Variants in ATG13 observed in about 807,000 individuals in gnomAD.
The protein encoded by ATG13 is autophagy-related protein 13.
In ATG13, 23 loss-of-function variants were observed where a neutral mutation model predicts 65.5. The ratio of observed to expected loss-of-function variants is 0.35; its 90% CI spans 0.25 to 0.50. The LOEUF is 0.50. ATG13 is among the 20% of genes least tolerant of loss of function. The probability of loss-of-function intolerance (pLI) is 0.98; values close to 1 mark genes in which losing one functional copy is unlikely to be tolerated. For synonymous variants in ATG13, 252 were observed against 245.2 expected, an observed-to-expected ratio of 1.03 and a Z score of -0.26; for missense variants, 566 against 677.0, an observed-to-expected ratio of 0.84 and a Z score of 1.82.
In ATG13 at chr11:46,672,406, C is replaced by A. The variant is rs554420091; in HGVS notation, c.*74C>A. On this transcript the variant is annotated 3_prime_UTR_variant, in exon 19 of 19. Transcript: ENST00000683050. ...TAAGCAGCCTCCCATGCATCAGCTG[C>A]TCCCACCCCTCATCCTGCTCTGAGC... 1.4e-4 allele frequency: 218 copies of A among 1,610,120 alleles called. No individual in the cohort carries two copies. The highest frequency in any genetic ancestry group is 2.9e-4 in the South Asian group (26 of 90,724).
chr11:46,639,521 G>T (rs2055157560), intron 2 of ATG13, among the ~76,000 whole-genome samples: 1 of 152,120 alleles, frequency 6.6e-6, no homozygotes, highest in South Asian at 2.1e-4. Context: ...AGCTGTAACT[G>T]TAACAGGTCC....
At chr11:46,638,586 C>T (rs910099557) in intron 2 of ATG13, 8 of 152,170 alleles carry the variant, frequency 5.3e-5, no homozygotes, top group Non-Finnish European at 1.0e-4. Flanking sequence ...CACCATCAAC[C>T]TACACCCTAC....
At chr11:46,669,159 C>G (rs1209504556) in intron 17 of ATG13, among the ~76,000 whole-genome samples, 1 of 152,154 alleles carries the variant, frequency 6.6e-6, no homozygotes, top group East Asian at 1.9e-4. Flanking sequence ...CACTGATACC[C>G]ACTTAGGTCC....
At position 46,667,839 on chromosome 11, in the gene ATG13, C is replaced by A; in HGVS notation, c.1203C>A (p.Thr401=). 2 of 1,612,772 alleles carry A rather than the reference C, an allele frequency of 1.2e-6. No homozygotes were observed. The highest frequency in any genetic ancestry group is 1.7e-6 in the Non-Finnish European group (2 of 1,178,890). ...GRASPHDVLE[T]IFVRKVGAFV... ...CCTCCCCTCACGATGTCTTGGAGAC[C>A]ATCTTTGTCCGAAAAGTGGGGGCTT... Residue 401 remains threonine, a synonymous_variant, in exon 15 of 19, where the codon ACC becomes ACA. Transcript: ENST00000683050.
At chr11:46,637,280 C>G (rs564024119) in intron 2 of ATG13, among the ~76,000 whole-genome samples, 49 of 152,298 alleles carry the variant, frequency 3.2e-4, no homozygotes, top group African/African-American at 1.1e-3. Context: ...GAGTCTCACT[C>G]TGTTTCCCAG....
chr11:46,656,729 A>C (rs1234971667), intron 8 of ATG13, among the ~76,000 whole-genome samples: 1 of 152,136 alleles, frequency 6.6e-6, no homozygotes, highest in Non-Finnish European at 1.5e-5. Flanking sequence ...GTGCTCCTTC[A>C]TTGTCTTTTT....
At chr11:46,628,539 T>G (rs537570143) in intron 1 of ATG13, among the ~76,000 whole-genome samples, 1 of 152,186 alleles carries the variant, frequency 6.6e-6, no homozygotes, top group Non-Finnish European at 1.5e-5. Context: ...ATATATTTTA[T>G]GTAAGTAGAA....
At chr11:46,621,616 T>G (rs1044534908) in intron 1 of ATG13, among the ~76,000 whole-genome samples, 1 of 152,176 alleles carries the variant, frequency 6.6e-6, no homozygotes, top group African/African-American at 2.4e-5. Context: ...TGACTTGTGC[T>G]TTTAATATTT....
At chr11:46,663,587 C>T (rs1197978554) in intron 11 of ATG13, among the ~76,000 whole-genome samples, 2 of 152,174 alleles carry the variant, frequency 1.3e-5, no homozygotes, top group Non-Finnish European at 2.9e-5. Context: ...TTACAAGCCC[C>T]GCATCCTTAC....
At chr11:46,668,174 G>A (rs940097127) in intron 15 of ATG13, among the ~76,000 whole-genome samples, 1 of 152,116 alleles carries the variant, frequency 6.6e-6, no homozygotes, top group African/African-American at 2.4e-5. Flanking sequence ...TCATTGCCTC[G>A]GCCTTATTTG....
At chr11:46,627,929 C>CA (rs2050287895) in intron 1 of ATG13, among the ~76,000 whole-genome samples, 1 of 151,782 alleles carries the variant, frequency 6.6e-6, no homozygotes, top group South Asian at 2.1e-4. Flanking sequence ...CAAAAAAATA[C>CA]AAAAAATTAG....
intron 11 of ATG13, among the ~76,000 whole-genome samples, chr11:46,661,993 G>A (rs1248917818): frequency 1.3e-5 from 2 of 152,192 alleles, no homozygotes; most frequent in Non-Finnish European, 2.9e-5. Context: ...GAACAGTTTA[G>A]TTTGGGGGTT....
At chr11:46,631,346 A>C (rs2051668918) in intron 2 of ATG13, among the ~76,000 whole-genome samples, 1 of 152,152 alleles carries the variant, frequency 6.6e-6, no homozygotes, top group South Asian at 2.1e-4. Flanking sequence ...TGGACCACCA[A>C]GCTGGCCTAT....
At chr11:46,669,623 C>A in intron 18 of ATG13, 91 bp downstream of exon 18, 1 of 1,404,162 alleles carries the variant, frequency 7.1e-7, no homozygotes. Context: ...CTTCTATCTT[C>A]CCTGTAATAG....
chr11:46,638,944 A>G (rs1217891628), intron 2 of ATG13, among the ~76,000 whole-genome samples: 1 of 151,952 alleles, frequency 6.6e-6, no homozygotes, highest in East Asian at 1.9e-4. Context: ...AGTAGCTGGG[A>G]CTACAGGCAT....
At chr11:46,654,060 T>A (rs942551566) in intron 7 of ATG13, among the ~76,000 whole-genome samples, 3 of 151,570 alleles carry the variant, frequency 2.0e-5, no homozygotes, top group South Asian at 2.1e-4. Flanking sequence ...TTTTTATTTT[T>A]TTTTTTCAGA....
chr11:46,638,917 C>T (rs1233398967), intron 2 of ATG13, among the ~76,000 whole-genome samples: 1 of 152,112 alleles, frequency 6.6e-6, no homozygotes, highest in Non-Finnish European at 1.5e-5. Context: ...AAGCCATTCT[C>T]CCACCTCAGC....
At chr11:46,659,548 T>C (rs1186076383) in intron 11 of ATG13, 63 bp downstream of exon 11, 1 of 1,372,412 alleles carries the variant, frequency 7.3e-7, no homozygotes, top group Non-Finnish European at 1.0e-6. Context: ...CTTTATGAAA[T>C]GGTGTCCAAA....
chr11:46,623,488 C>T (rs1489171580), intron 1 of ATG13, among the ~76,000 whole-genome samples: 4 of 151,914 alleles, frequency 2.6e-5, no homozygotes, highest in South Asian at 2.1e-4. Context: ...AGTGCAGTGG[C>T]GCAGTCTTGG....
Sources: gnomAD v4.1 joint callset for allele counts (sites outside exome capture counted in the v4.1 genomes callset) on GRCh38, gnomAD v4.1.1 for gene constraint, MANE v1.5 for transcripts, NCBI Gene and HGNC (gene_info 2026-07-23, HGNC 2026-07-21) for gene names.